NTN4: variants seen among roughly 807,000 people sequenced by gnomAD.
The protein encoded by NTN4 is netrin 4.
In NTN4, 32 loss-of-function variants were observed where a neutral mutation model predicts 73.6. The ratio of observed to expected loss-of-function variants is 0.44; its 90% CI spans 0.33 to 0.58. The LOEUF is 0.58. NTN4 is among the 20% of genes least tolerant of loss of function. The pLI is 0.04. For synonymous variants in NTN4, 258 were observed against 287.5 expected, an observed-to-expected ratio of 0.90 and a Z score of 1.04; for missense variants, 654 against 798.3, an observed-to-expected ratio of 0.82 and a Z score of 2.18.
At chr12:95,786,902 TCTTA>T (rs765380555) in intron 2 of NTN4, 33 bp downstream of exon 2, 13 of 1,550,580 alleles carry the variant, frequency 8.4e-6, no homozygotes, top group Non-Finnish European at 1.1e-5. Context: ...CATTTTTCTA[TCTTA>T]CTTACAGTGT....
Position 95,658,929 on chromosome 12 carries a change from G to T in NTN4, c.*157C>A. The T allele has an allele frequency of 1.7e-6, 1 of 577,052 alleles. No individual in the cohort carries two copies. Among genetic ancestry groups the T allele is most frequent in the South Asian group, 3.0e-5 (1 of 32,902 alleles). The allele number at this position is 577,052 out of a possible 1,614,324, so 35.7% of individuals were successfully genotyped here. On this transcript the variant is annotated 3_prime_UTR_variant, in exon 10 of 10. Transcript: ENST00000343702. ...TGAAATAAAACTGTATTTAAACATG[G>T]GTCCAGAAGAGATAAGTTAGATAAG...
intron 5 of NTN4, among the ~76,000 whole-genome samples, chr12:95,691,750 T>C (rs2078403016): frequency 6.6e-6 from 1 of 152,186 alleles, no homozygotes; most frequent in Non-Finnish European, 1.5e-5. Flanking sequence ...TATGCTGACA[T>C]TAATTATTCT....
At chr12:95,754,339 G>A (rs920584067) in intron 2 of NTN4, among the ~76,000 whole-genome samples, 7 of 151,694 alleles carry the variant, frequency 4.6e-5, no homozygotes, top group Admixed American at 3.3e-4. Context: ...AATCCCGCTC[G>A]AAGCAGCCCT....
intron 3 of NTN4, among the ~76,000 whole-genome samples, chr12:95,720,324 A>G (rs539095425): frequency 2.0e-5 from 3 of 152,340 alleles, no homozygotes; most frequent in African/African-American, 7.2e-5. Flanking sequence ...CTAATTTGCC[A>G]AGACCTTGCT....
At chr12:95,704,784 C>T (rs2078511255) in intron 5 of NTN4, among the ~76,000 whole-genome samples, 1 of 152,124 alleles carries the variant, frequency 6.6e-6, no homozygotes, top group African/African-American at 2.4e-5. Context: ...ATCTCTGCCC[C>T]AAATGTATCC....
intron 2 of NTN4, among the ~76,000 whole-genome samples, chr12:95,741,431 A>G (rs1304942620): frequency 0.35 from 15,775 of 44,658 alleles, 2,499 homozygotes; most frequent in African/African-American, 0.44. Context: ...TATAAATTAT[A>G]TATATATATA....
chr12:95,741,689 A>G (rs1239557733), intron 2 of NTN4, among the ~76,000 whole-genome samples: 1 of 149,322 alleles, frequency 6.7e-6, no homozygotes, highest in African/African-American at 2.4e-5. Flanking sequence ...ACAGTAAGAG[A>G]TTAACAACAA....
chr12:95,766,183 A>AT (rs1253411746), intron 2 of NTN4, among the ~76,000 whole-genome samples: 3 of 152,228 alleles, frequency 2.0e-5, no homozygotes, highest in Admixed American at 6.5e-5. Flanking sequence ...GTAGCAAGAA[A>AT]TAAGATTTCC....
intron 2 of NTN4, among the ~76,000 whole-genome samples, chr12:95,779,863 A>C (rs551424970): frequency 6.6e-6 from 1 of 152,360 alleles, no homozygotes; most frequent in African/African-American, 2.4e-5. Context: ...GTCCTAAGCC[A>C]AAAGAACAAA....
At chr12:95,746,868 C>T (rs2078866851) in intron 2 of NTN4, among the ~76,000 whole-genome samples, 1 of 152,146 alleles carries the variant, frequency 6.6e-6, no homozygotes, top group South Asian at 2.1e-4. Flanking sequence ...GATCATTGTC[C>T]TCTTCTGCTG....
intron 7 of NTN4, chr12:95,672,726 G>A: frequency 1.4e-6 from 2 of 1,411,360 alleles, no homozygotes; most frequent in South Asian, 1.2e-5. Flanking sequence ...AGGATCGTAG[G>A]TATGCAGACC....
intron 5 of NTN4, among the ~76,000 whole-genome samples, chr12:95,698,827 A>G (rs940128921): frequency 2.0e-5 from 3 of 152,054 alleles, no homozygotes; most frequent in African/African-American, 7.2e-5. Context: ...ACTGCACTCC[A>G]GCCTGTGCGA....
At chr12:95,769,721 C>T (rs930540895) in intron 2 of NTN4, among the ~76,000 whole-genome samples, 1 of 124,686 alleles carries the variant, frequency 8.0e-6, no homozygotes, top group Non-Finnish European at 1.8e-5. Context: ...GCTGTTGTTA[C>T]AGGTGCATAC....
Position 95,682,699 on chromosome 12 carries a change from C to A in NTN4, c.1510+8G>T. The A allele has an allele frequency of 6.3e-7, 1 of 1,582,258 alleles. No homozygotes were observed. Among genetic ancestry groups the A allele is most frequent in the Non-Finnish European group, 8.7e-7 (1 of 1,151,486 alleles). On this transcript the variant is annotated splice_region_variant and intron_variant, in intron 7 of 9. Coordinates refer to ENST00000343702, the MANE Select transcript of NTN4 (RefSeq NM_021229.4). ...TGAAAATATGATGCCTGGTTACATC[C>A]ATCTCACCTGAGTGTAGAAGTGCAG... is the stretch of plus-strand genomic sequence containing the variant.
At chr12:95,779,980 C>G (rs974449245) in intron 2 of NTN4, among the ~76,000 whole-genome samples, 1 of 152,092 alleles carries the variant, frequency 6.6e-6, no homozygotes, top group African/African-American at 2.4e-5. Flanking sequence ...GAACAGAGGC[C>G]TCAGAAATAA....
At chr12:95,724,023 G>A (rs1017434515) in intron 3 of NTN4, among the ~76,000 whole-genome samples, 1 of 149,170 alleles carries the variant, frequency 6.7e-6, no homozygotes, top group Non-Finnish European at 1.5e-5. Flanking sequence ...GTTACCTAGA[G>A]TTTTTTTTTT....
intron 2 of NTN4, among the ~76,000 whole-genome samples, chr12:95,755,701 T>TA (rs1385801027): frequency 2.6e-5 from 4 of 152,202 alleles, no homozygotes; most frequent in African/African-American, 9.6e-5. Context: ...TCAAGTGACT[T>TA]ACTTGTACGA....
chr12:95,740,297 A>G (rs139167063), intron 2 of NTN4, among the ~76,000 whole-genome samples: 86 of 152,344 alleles, frequency 5.6e-4, no homozygotes, highest in African/African-American at 2.0e-3. Context: ...AAACTTCCCC[A>G]GAAGAAGCCT....
At chr12:95,756,663 G>A (rs1206502696) in intron 2 of NTN4, among the ~76,000 whole-genome samples, 1 of 152,032 alleles carries the variant, frequency 6.6e-6, no homozygotes, top group African/African-American at 2.4e-5. Flanking sequence ...TCAATCTCTT[G>A]CCTGCTTGAC....
Sources: allele counts gnomAD v4.1 joint callset (sites outside exome capture counted in the v4.1 genomes callset), GRCh38; gene constraint gnomAD v4.1.1; transcripts MANE v1.5; gene names NCBI Gene and HGNC (gene_info 2026-07-23, HGNC 2026-07-21).